Variants in ERBB4 observed in about 807,000 individuals in gnomAD.
The protein encoded by ERBB4 is erb-b2 receptor tyrosine kinase 4.
A neutral mutation model predicts 158.0 loss-of-function variants in ERBB4; 42 were observed. The ratio of observed to expected loss-of-function variants is 0.27; its 90% CI spans 0.21 to 0.34. ERBB4 has a LOEUF of 0.34. Among genes scored for constraint, ERBB4 ranks in the 10% least tolerant of loss-of-function variants. The pLI, the probability that ERBB4 is intolerant of heterozygous loss-of-function variation, is 1.00. For missense variants in ERBB4, 1,333 were observed against 1,624.1 expected (o/e 0.82, Z 3.08); for synonymous variants, 583 against 558.7 (o/e 1.04, Z -0.61).
chr2:212,025,050 C>A (rs1189025164), intron 2 of ERBB4, among the ~76,000 whole-genome samples: 1 of 151,742 alleles, frequency 6.6e-6, no homozygotes, highest in Non-Finnish European at 1.5e-5. Flanking sequence ...ATATAGTAGA[C>A]ACCTAATAAA....
chr2:212,001,802 T>C (rs2076111908), intron 2 of ERBB4, among the ~76,000 whole-genome samples: 1 of 152,172 alleles, frequency 6.6e-6, no homozygotes, highest in African/African-American at 2.4e-5. Flanking sequence ...ATGTACAAAT[T>C]GCTTTATCCC....
chr2:211,755,579 C>CA (rs2075272090), intron 4 of ERBB4, among the ~76,000 whole-genome samples: 1 of 152,234 alleles, frequency 6.6e-6, no homozygotes, highest in South Asian at 2.1e-4. Flanking sequence ...TTTTAATTCA[C>CA]AAGCAATCCC....
At chr2:211,859,665 G>GAAA (rs1370153229) in intron 3 of ERBB4, among the ~76,000 whole-genome samples, 1 of 152,108 alleles carries the variant, frequency 6.6e-6, no homozygotes, top group Non-Finnish European at 1.5e-5. Context: ...TTTTATTGTA[G>GAAA]AAATATTTTG....
chr2:211,497,693 A>G (rs1371594414), intron 20 of ERBB4, among the ~76,000 whole-genome samples: 1 of 152,178 alleles, frequency 6.6e-6, no homozygotes, highest in Non-Finnish European at 1.5e-5. Flanking sequence ...TATAGGGAAT[A>G]AAAGGATGAA....
chr2:212,257,510 A>G (rs1412964715), intron 1 of ERBB4, among the ~76,000 whole-genome samples: 3 of 152,148 alleles, frequency 2.0e-5, no homozygotes, highest in Non-Finnish European at 2.9e-5. Flanking sequence ...TTCAACTCCT[A>G]TCTTCAAGGT....
intron 2 of ERBB4, among the ~76,000 whole-genome samples, chr2:211,999,467 A>T (rs927464633): frequency 6.6e-6 from 1 of 151,886 alleles, no homozygotes. Context: ...ATCTTAAAAC[A>T]TTCTGAATAG....
chr2:212,064,988 GGTGTGTGT>G lies in ERBB4; in HGVS notation c.234+59756_234+59763del, dbSNP rs34396660. On this transcript the variant is annotated intron_variant, in intron 2 of 27. Coordinates refer to ENST00000342788, the MANE Select transcript of ERBB4 (RefSeq NM_005235.3). ...TCCACCACCATAACAACATCTTTAT[GGTGTGTGT>G]GTGTGTGTGTGTGTGTGTGTGTGTG... Among the ~76,000 whole-genome samples the G allele has an allele frequency of 6.1e-3, 878 of 143,364 alleles. 7 individuals carry two copies. The highest frequency in any genetic ancestry group is 0.03 in the East Asian group (144 of 4,780). The allele number at this position is 143,364 out of a possible 152,430, so 94.1% of individuals were successfully genotyped here.
At chr2:211,692,575 T>C (rs1367694341) in intron 12 of ERBB4, among the ~76,000 whole-genome samples, 4 of 152,116 alleles carry the variant, frequency 2.6e-5, no homozygotes, top group East Asian at 1.9e-4. Flanking sequence ...TCCTTGCCTC[T>C]TTCAGCTTTT....
chr2:211,613,568 G>GA (rs1553592958), intron 19 of ERBB4, among the ~76,000 whole-genome samples: 2 of 151,852 alleles, frequency 1.3e-5, no homozygotes, highest in Non-Finnish European at 1.5e-5. Context: ...AATTCTATAC[G>GA]AAAAAAATCT....
intron 20 of ERBB4, among the ~76,000 whole-genome samples, chr2:211,512,279 C>T (rs549122331): frequency 4.6e-5 from 7 of 152,088 alleles, no homozygotes; most frequent in East Asian, 1.9e-4. Context: ...CATAGACATG[C>T]GGTTTTTCCT....
intron 3 of ERBB4, among the ~76,000 whole-genome samples, chr2:211,840,085 C>T (rs149026557): frequency 1.3e-5 from 2 of 151,938 alleles, no homozygotes; most frequent in Admixed American, 6.6e-5. Context: ...GTGTACCTAC[C>T]CAAATCTCAT....
chr2:211,995,841 T>C (rs1292689433), intron 2 of ERBB4, among the ~76,000 whole-genome samples: 2 of 152,172 alleles, frequency 1.3e-5, no homozygotes, highest in Non-Finnish European at 2.9e-5. Context: ...TTTTATATTG[T>C]GTATTCCCAT....
At chr2:212,238,786 T>C (rs1016314554) in intron 1 of ERBB4, among the ~76,000 whole-genome samples, 2 of 151,982 alleles carry the variant, frequency 1.3e-5, no homozygotes, top group Non-Finnish European at 2.9e-5. Context: ...AGCAAGACTT[T>C]TATGTTGCCA....
At chr2:212,094,153 C>T (rs544368653) in intron 2 of ERBB4, among the ~76,000 whole-genome samples, 2 of 151,934 alleles carry the variant, frequency 1.3e-5, no homozygotes, top group Admixed American at 1.3e-4. Flanking sequence ...AGGCTTTTCA[C>T]TGATGGGGTG....
chr2:211,673,517 C>CAAAAAAAAAAA lies in ERBB4; in HGVS notation c.1623-271_1623-261dup, dbSNP rs71054125. Among the ~76,000 whole-genome samples the CAAAAAAAAAAA allele has an allele frequency of 1.2e-3, 64 of 54,052 alleles. 8 individuals are homozygous for CAAAAAAAAAAA. Among genetic ancestry groups the CAAAAAAAAAAA allele is most frequent in the African/African-American group, 2.8e-3 (39 of 13,906 alleles). 35.5% of individuals were successfully genotyped at this position (54,052 alleles called of 152,430 possible). A position where few individuals can be genotyped will look rare whatever the true frequency, so the allele number is the denominator to read the frequency against. On this transcript the variant is annotated intron_variant, in intron 13 of 27. Transcript: ENST00000342788. ...CCTGCAAGACATATTCCAGCAATCT[C>CAAAAAAAAAAA]AAAAAAAAAAAAAGCTACAAAGTAT...
In ERBB4 at chr2:212,402,836, A is replaced by G. The variant is rs184603211; in HGVS notation, c.82+135613T>C. Among the ~76,000 whole-genome samples, 385 of 152,224 alleles carry G rather than the reference A, an allele frequency of 2.5e-3. 1 individual carries two copies. Among genetic ancestry groups the G allele is most frequent in the Non-Finnish European group, 4.5e-3 (307 of 67,972 alleles). On this transcript the variant is annotated intron_variant, in intron 1 of 27. Transcript: ENST00000342788. Reference sequence around the variant, plus strand: ...TTATATAGTTTTATCAATAAATATCATACCAAAAATAATTAATGAAACACA... The same window carrying G: ...TTATATAGTTTTATCAATAAATATCGTACCAAAAATAATTAATGAAACACA...
chr2:212,337,303 A>G (rs544813834), intron 1 of ERBB4, among the ~76,000 whole-genome samples: 1 of 152,236 alleles, frequency 6.6e-6, no homozygotes, highest in East Asian at 1.9e-4. Context: ...TTCTTGATCT[A>G]TAATAACCTT....
chr2:211,474,501 T>C (rs887148346), intron 20 of ERBB4, among the ~76,000 whole-genome samples: 1 of 152,056 alleles, frequency 6.6e-6, no homozygotes, highest in Non-Finnish European at 1.5e-5. Flanking sequence ...TTAATTATTA[T>C]GAGGTAGATA....
At chr2:211,684,055 A>C (rs936850312) in intron 12 of ERBB4, among the ~76,000 whole-genome samples, 1 of 152,054 alleles carries the variant, frequency 6.6e-6, no homozygotes, top group African/African-American at 2.4e-5. Flanking sequence ...TTTATTTGCT[A>C]TTTAGTGCTA....
Sources: allele counts gnomAD v4.1 joint callset (sites outside exome capture counted in the v4.1 genomes callset), GRCh38; gene constraint gnomAD v4.1.1; transcripts MANE v1.5; gene names NCBI Gene and HGNC (gene_info 2026-07-23, HGNC 2026-07-21).